Variants in SERPINA9 observed in about 807,000 individuals in gnomAD.
SERPINA9 encodes serpin A9.
Under a neutral mutation model 24.5 loss-of-function variants are expected in SERPINA9, and 32 were observed. The ratio of observed to expected loss-of-function variants is 1.30; its 90% CI spans 0.98 to 1.75. The LOEUF (loss-of-function observed/expected upper bound fraction) is 1.75. Ranked by LOEUF, SERPINA9 falls within the 40% of genes most tolerant of loss-of-function variation. The pLI, the probability that SERPINA9 is intolerant of heterozygous loss-of-function variation, is 0.00. For missense variants in SERPINA9, 594 were observed against 497.1 expected (o/e 1.19, Z -1.85); for synonymous variants, 233 against 197.7 (o/e 1.18, Z -1.50).
chr14:94,464,875 A>G, intron 3 of SERPINA9, 21 bp from the exon 4 acceptor site: 1 of 1,603,156 alleles, frequency 6.2e-7, no homozygotes, highest in East Asian at 2.2e-5. Context: ...GGGAAAAGGA[A>G]ACAATGAGGT....
In SERPINA9 at chr14:94,467,245, A is replaced by C. The variant is rs777372316; in HGVS notation, c.766T>G (p.Cys256Gly). 2 of 1,614,252 alleles carry C rather than the reference A, an allele frequency of 1.2e-6. No individual in the cohort carries two copies. The highest frequency in any genetic ancestry group is 1.7e-6 in the Non-Finnish European group (2 of 1,180,038). Residue 256 changes from cysteine (C) to glycine (G), a missense_variant, in exon 3 of 5, where the codon TGC (cysteine) becomes GGC (glycine). Transcript: ENST00000674397. ...FAFGVDTELN[C>G]FVLQMDYKGD... ...TTGTAATCCATCTGCAGCACAAAGC[A>C]GTTCAGCTCTGTATCCACCCCAAAA...
chr14:94,469,751 G>T lies in SERPINA9; in HGVS notation c.90C>A (p.Tyr30Ter), dbSNP rs777431283. The stretch of plus-strand genomic sequence containing the variant: ...TGCTCTTTGTGGAGGAAGGGCGGGG[G>T]TATGCACTGGGGGCATTGGCCGGGG... ...CVSPANAPSA[Y>*]PRPSSTKSTP... The change falls in exon 2 of 5, where the codon TAC becomes TAA. Residue 30 changes from tyrosine to a stop codon, truncating the protein, a stop_gained. Coordinates refer to ENST00000674397, the MANE Select transcript of SERPINA9 (RefSeq NM_175739.4). LOFTEE classifies it high-confidence loss of function. The T allele has an allele frequency of 5.1e-6, 8 of 1,573,530 alleles. No homozygotes were observed. The highest frequency in any genetic ancestry group is 1.2e-5 in the South Asian group (1 of 83,384).
chr14:94,464,138 G>T (rs1898875152), intron 4 of SERPINA9, among the ~76,000 whole-genome samples: 1 of 152,210 alleles, frequency 6.6e-6, no homozygotes, highest in Non-Finnish European at 1.5e-5. Flanking sequence ...GGCACTCATA[G>T]CTCAGCTCCT....
Position 94,463,092 on chromosome 14 carries a change from C to T in SERPINA9, c.*1G>A. On this transcript the variant is annotated 3_prime_UTR_variant, in exon 5 of 5. Coordinates refer to ENST00000674397, the MANE Select transcript of SERPINA9 (RefSeq NM_175739.4). Reference sequence around the variant, plus strand: ...CCATCAGTTAACAGGCCATTTCCCACCTAGGATTTAGTGGGATTTTCCACT... The same window carrying T: ...CCATCAGTTAACAGGCCATTTCCCATCTAGGATTTAGTGGGATTTTCCACT... 6.2e-7 allele frequency: 1 copy of T among 1,611,938 alleles called. No homozygotes were observed. Among genetic ancestry groups the T allele is most frequent in the South Asian group, 1.1e-5 (1 of 91,020 alleles).
chr14:94,469,363 C>A lies in SERPINA9; in HGVS notation c.478G>T (p.Val160Phe), dbSNP rs759100489. The A allele has an allele frequency of 2.5e-6, 4 of 1,614,236 alleles. No individual in the cohort carries two copies. Among genetic ancestry groups the A allele is most frequent in the Admixed American group, 3.3e-5 (2 of 60,034 alleles). Residue 160 changes from valine (V) to phenylalanine (F), a missense_variant, in exon 2 of 5, where the codon GTC becomes TTC. Coordinates refer to ENST00000674397, the MANE Select transcript of SERPINA9 (RefSeq NM_175739.4). ...GGGTTGGAGAAATCTGTAGAAAAGA[C>A]TTCTGCTTCATACAGCCTCTTGACA... The part of the protein sequence containing the change: ...GNVKRLYEAE[V>F]FSTDFSNPSI...
rs558893142 is a variant in SERPINA9 at position 94,468,648 on chromosome 14, A to G, written c.628+565T>C. ...TTCAAGTTGTTTGACTTTAAAGCTGATGTGCATTCCCTGCAATACAGTGAA... is the reference window on the plus strand; with the variant it reads ...TTCAAGTTGTTTGACTTTAAAGCTGGTGTGCATTCCCTGCAATACAGTGAA... On this transcript the variant is annotated intron_variant, in intron 2 of 4. Coordinates refer to ENST00000674397, the MANE Select transcript of SERPINA9 (RefSeq NM_175739.4). Among the ~76,000 whole-genome samples, 104 of 152,336 alleles carry G rather than the reference A, an allele frequency of 6.8e-4. 2 individuals are homozygous for G. Among genetic ancestry groups the G allele is most frequent in the African/African-American group, 2.4e-3 (100 of 41,566 alleles).
At chr14:94,469,076 A>G in intron 2 of SERPINA9, 137 bp downstream of exon 2, 2 of 730,406 alleles carry the variant, frequency 2.7e-6, no homozygotes, top group Non-Finnish European at 4.4e-6. Context: ...GCTAATTGCA[A>G]AGCTAATTAG....
At position 94,469,783 on chromosome 14, in the gene SERPINA9, A is replaced by G; in HGVS notation, c.58T>C (p.Cys20Arg). The G allele has an allele frequency of 1.3e-6, 2 of 1,537,442 alleles. No homozygotes were observed. The highest frequency in any genetic ancestry group is 8.8e-7 in the Non-Finnish European group (1 of 1,142,476). ...CTGGGGGCATTGGCCGGGGACACACAGTAGATTGGAGCACAGAGGCCAACA... is the reference window on the plus strand; with the variant it reads ...CTGGGGGCATTGGCCGGGGACACACGGTAGATTGGAGCACAGAGGCCAACA... ...FAVGLCAPIYCVSPANAPSAY... is the reference protein window; with the variant it reads ...FAVGLCAPIYRVSPANAPSAY... Residue 20 changes from cysteine (C) to arginine (R), a missense_variant, in exon 2 of 5, where the codon TGT becomes CGT. By Grantham distance (180) the Cys-to-Arg change is radical (BLOSUM62 -3). Coordinates refer to ENST00000674397, the MANE Select transcript of SERPINA9 (RefSeq NM_175739.4).
chr14:94,474,619 C>T (rs1391255793), intron 1 of SERPINA9, among the ~76,000 whole-genome samples: 3 of 152,220 alleles, frequency 2.0e-5, no homozygotes, highest in Non-Finnish European at 4.4e-5. Context: ...CTCCTGTCCT[C>T]CTGTGGCCAC....
chr14:94,474,294 C>T (rs796211744), intron 1 of SERPINA9, among the ~76,000 whole-genome samples: 26 of 152,284 alleles, frequency 1.7e-4, no homozygotes, highest in Middle Eastern at 3.4e-3. Context: ...GCCTATTAGA[C>T]GCGGCCTCCA....
intron 3 of SERPINA9, among the ~76,000 whole-genome samples, chr14:94,465,210 T>A (rs1898946789): frequency 6.6e-6 from 1 of 152,074 alleles, no homozygotes; most frequent in South Asian, 2.1e-4. Flanking sequence ...CAGCAGCACT[T>A]CCTGATGCAA....
intron 2 of SERPINA9, among the ~76,000 whole-genome samples, chr14:94,468,508 G>C (rs550960526): frequency 6.6e-6 from 1 of 152,152 alleles, no homozygotes; most frequent in African/African-American, 2.4e-5. Flanking sequence ...TTTATCATCA[G>C]AGTATCCAGT....
Position 94,469,383 on chromosome 14 carries a change from T to C in SERPINA9, c.458A>G (p.Lys153Arg), listed in dbSNP as rs775921571. The C allele has an allele frequency of 6.2e-7, 1 of 1,614,220 alleles. No homozygotes were observed. Among genetic ancestry groups the C allele is most frequent in the South Asian group, 1.1e-5 (1 of 91,076 alleles). Residue 153 changes from lysine to arginine, a missense_variant, in exon 2 of 5, where the codon AAG (lysine) becomes AGG (arginine). Physicochemically the swap from Lys to Arg is conservative, Grantham distance 26. Transcript: ENST00000674397. ...AAAGACTTCTGCTTCATACAGCCTC[T>C]TGACATTGCCCAAGAAATTTGCCTG... is the stretch of plus-strand genomic sequence containing the variant. ...QLQANFLGNV[K>R]RLYEAEVFST...
intron 3 of SERPINA9, among the ~76,000 whole-genome samples, chr14:94,465,686 C>G (rs1898970356): frequency 6.6e-6 from 1 of 152,138 alleles, no homozygotes; most frequent in Admixed American, 6.5e-5. Context: ...CGTGGCCATG[C>G]CCGGCTAATT....
Position 94,470,071 on chromosome 14 carries a change from G to A in SERPINA9, c.-17-214C>T, listed in dbSNP as rs1055421956. ...TGCAAATGAGTAAACAGGCCACAGAGAGTCTGTGCAACTTACCCCAAATAG... is the reference window on the plus strand; with the variant it reads ...TGCAAATGAGTAAACAGGCCACAGAAAGTCTGTGCAACTTACCCCAAATAG... On this transcript the variant is annotated intron_variant, in intron 1 of 4. Transcript: ENST00000674397. 1.4e-5 allele frequency: 10 copies of A among 690,460 alleles called. No individual in the cohort carries two copies. The African/African-American group carries it at 1.8e-4, about 13-fold the overall frequency. The allele number at this position is 690,460 out of a possible 1,614,324, so 42.8% of individuals were successfully genotyped here. A position where few individuals can be genotyped will look rare whatever the true frequency, so the allele number is the denominator to read the frequency against.
intron 1 of SERPINA9, among the ~76,000 whole-genome samples, chr14:94,475,719 A>C (rs1899589060): frequency 6.6e-6 from 1 of 152,126 alleles, no homozygotes; most frequent in Admixed American, 6.5e-5. Flanking sequence ...CTGCACTTAA[A>C]CACTCCCTCT....
intron 1 of SERPINA9, chr14:94,475,809 C>G: frequency 2.3e-6 from 1 of 433,484 alleles, no homozygotes; most frequent in East Asian, 3.7e-5. Flanking sequence ...GACACAACAA[C>G]AAAAACACTC....
At position 94,469,653 on chromosome 14, in the gene SERPINA9, G is replaced by A. The variant is rs1047330150; in HGVS notation, c.188C>T (p.Thr63Ile). 4 of 1,614,102 alleles carry A rather than the reference G, an allele frequency of 2.5e-6. No homozygotes were observed. Among genetic ancestry groups the A allele is most frequent in the South Asian group, 1.1e-5 (1 of 91,072 alleles). Residue 63 changes from threonine to isoleucine, a missense_variant, in exon 2 of 5, where the codon ACC (threonine) becomes ATC (isoleucine). Thr to Ile is a moderately conservative substitution (Grantham distance 89). Coordinates refer to ENST00000674397, the MANE Select transcript of SERPINA9 (RefSeq NM_175739.4). ...GGAGAAGAAGATGTTCTGACTCGGG[G>A]TCTCCAAAACCAGCCTGCGGTATAG... ...FRLYRRLVLE[T>I]PSQNIFFSPV...
chr14:94,468,792 C>A (rs191705708), intron 2 of SERPINA9, among the ~76,000 whole-genome samples: 1 of 152,314 alleles, frequency 6.6e-6, no homozygotes, highest in African/African-American at 2.4e-5. Context: ...GTCTACATTT[C>A]TACACCTATG....
Sources: gnomAD v4.1 joint callset for allele counts (sites outside exome capture counted in the v4.1 genomes callset) on GRCh38, gnomAD v4.1.1 for gene constraint, MANE v1.5 for transcripts, NCBI Gene and HGNC (gene_info 2026-07-23, HGNC 2026-07-21) for gene names.